Variants in SNX9 observed in about 807,000 individuals in gnomAD.
The protein encoded by SNX9 is sorting nexin 9, also known as sorting nexin-9.
SNX9 carries 44 observed loss-of-function variants against 89.4 expected under a neutral mutation model. The observed-to-expected ratio is 0.49, with a 90% CI of 0.39 to 0.63. The LOEUF (loss-of-function observed/expected upper bound fraction) is 0.63. Ranked by LOEUF, SNX9 falls within the 30% of genes least tolerant of loss-of-function variation. The pLI, the probability that SNX9 is intolerant of heterozygous loss-of-function variation, is 0.00. For synonymous variants in SNX9, 236 were observed against 247.8 expected (o/e 0.95, Z 0.45); for missense variants, 578 against 736.1 (o/e 0.79, Z 2.49).
At chr6:157,857,525 A>AT (rs1782035480) in intron 1 of SNX9, among the ~76,000 whole-genome samples, 2 of 151,982 alleles carry the variant, frequency 1.3e-5, no homozygotes, top group African/African-American at 4.8e-5. Flanking sequence ...GTAGGAATTC[A>AT]TTTTTTTCCT....
In SNX9 at chr6:157,928,616, C is replaced by A; in HGVS notation, c.1202C>A (p.Ala401Asp). The A allele has an allele frequency of 3.1e-6, 5 of 1,609,428 alleles. No homozygotes were observed. The highest frequency in any genetic ancestry group is 4.2e-6 in the Non-Finnish European group (5 of 1,178,084). Residue 401 changes from alanine (A) to aspartate (D), a missense_variant, in exon 12 of 18, where the codon GCT becomes GAT. This residue lies in a region of SNX9 where 348 missense variants were observed against 491.4 expected (regional missense o/e 0.71). Transcript: ENST00000392185. The part of the protein sequence containing the change: ...DLVEIEQKCE[A>D]VGKFTKAMDD... ...ACCCACAGAGAGCAGAAGTGCGAGG[C>A]TGTGGGGAAGTTCACCAAGGCCATG...
At chr6:157,875,560 C>T (rs1267693760) in intron 4 of SNX9, among the ~76,000 whole-genome samples, 1 of 152,066 alleles carries the variant, frequency 6.6e-6, no homozygotes, top group Non-Finnish European at 1.5e-5. Flanking sequence ...AAATAGATGC[C>T]CTGGCCCTGG....
chr6:157,902,529 G>A (rs958185779), intron 6 of SNX9, among the ~76,000 whole-genome samples: 10 of 152,094 alleles, frequency 6.6e-5, no homozygotes, highest in Non-Finnish European at 1.2e-4. Context: ...CCAGAGAGAC[G>A]CATCGAGTGT....
chr6:157,869,276 A>G (rs1782339447), intron 2 of SNX9, among the ~76,000 whole-genome samples: 1 of 151,604 alleles, frequency 6.6e-6, no homozygotes. Flanking sequence ...AGATTTTTGT[A>G]TTGCCGTCTC....
At chr6:157,906,269 A>G in intron 7 of SNX9, 57 bp downstream of exon 7, 1 of 1,350,148 alleles carries the variant, frequency 7.4e-7, no homozygotes, top group South Asian at 1.3e-5. Flanking sequence ...CTTATACCGT[A>G]CTTTAAAGCT....
chr6:157,924,274 A>G (rs1024915719), intron 10 of SNX9: 1 of 152,046 alleles, frequency 6.6e-6, no homozygotes, highest in African/African-American at 2.4e-5. Flanking sequence ...TCCCAGAGGT[A>G]AAATGGAGGA....
At chr6:157,907,996 C>G (rs1783254343) in intron 7 of SNX9, among the ~76,000 whole-genome samples, 1 of 152,132 alleles carries the variant, frequency 6.6e-6, no homozygotes, top group South Asian at 2.1e-4. Context: ...ATTTTAGTCT[C>G]TTTTTAAACT....
At chr6:157,928,385 A>G (rs915093797) in intron 11 of SNX9, among the ~76,000 whole-genome samples, 3 of 152,248 alleles carry the variant, frequency 2.0e-5, no homozygotes, top group Non-Finnish European at 4.4e-5. Flanking sequence ...AAAGAATTGT[A>G]TAGGCAGAAA....
intron 5 of SNX9, among the ~76,000 whole-genome samples, chr6:157,898,218 A>G (rs1783020388): frequency 6.6e-6 from 1 of 152,212 alleles, no homozygotes; most frequent in South Asian, 2.1e-4. Context: ...GCCCTTATTC[A>G]CTAGTAGCAA....
At chr6:157,909,535 T>G (rs772955104) in intron 7 of SNX9, 130 bp from the exon 8 acceptor site, 11 of 1,085,994 alleles carry the variant, frequency 1.0e-5, no homozygotes, top group Non-Finnish European at 1.3e-5. Context: ...TTATGTACCT[T>G]TCAAAGAGGA....
intron 9 of SNX9, among the ~76,000 whole-genome samples, chr6:157,915,644 T>A (rs200825144): frequency 0.3 from 27,066 of 91,258 alleles, 4,649 homozygotes; most frequent in Middle Eastern, 0.38. Flanking sequence ...AAAAAAAATA[T>A]ATATATATAT....
At chr6:157,904,508 A>G (rs1783170645) in intron 6 of SNX9, among the ~76,000 whole-genome samples, 1 of 152,122 alleles carries the variant, frequency 6.6e-6, no homozygotes, top group African/African-American at 2.4e-5. Flanking sequence ...TCTGTGGTCC[A>G]TAACAGTGCC....
At chr6:157,932,346 G>T in intron 13 of SNX9, 74 bp downstream of exon 13, 1 of 1,339,788 alleles carries the variant, frequency 7.5e-7, no homozygotes, top group South Asian at 1.2e-5. Flanking sequence ...GGATCCTGCA[G>T]ACGCTAACTC....
At chr6:157,837,480 A>G (rs1315537918) in intron 1 of SNX9, among the ~76,000 whole-genome samples, 1 of 152,246 alleles carries the variant, frequency 6.6e-6, no homozygotes, top group Non-Finnish European at 1.5e-5. Context: ...GTCAGATAAT[A>G]CATGCCTTTG....
chr6:157,908,977 T>C (rs971415363), intron 7 of SNX9, among the ~76,000 whole-genome samples: 1 of 152,248 alleles, frequency 6.6e-6, no homozygotes, highest in Non-Finnish European at 1.5e-5. Flanking sequence ...GCCAGCCCAC[T>C]GTGCTTAGGC....
intron 1 of SNX9, among the ~76,000 whole-genome samples, chr6:157,825,389 T>G (rs1255355260): frequency 1.3e-5 from 2 of 152,216 alleles, no homozygotes; most frequent in Non-Finnish European, 2.9e-5. Context: ...GGAATGCAGT[T>G]TAGCAACTAG....
At chr6:157,855,382 A>G (rs925339509) in intron 1 of SNX9, among the ~76,000 whole-genome samples, 1 of 152,174 alleles carries the variant, frequency 6.6e-6, no homozygotes, top group African/African-American at 2.4e-5. Context: ...AGTTTGCAAA[A>G]GTCTATTTCT....
At chr6:157,935,655 A>G (rs1056375829) in intron 13 of SNX9, among the ~76,000 whole-genome samples, 2 of 152,200 alleles carry the variant, frequency 1.3e-5, no homozygotes, top group African/African-American at 4.8e-5. Context: ...GCCGAATGAC[A>G]GTCTCGTCAT....
intron 1 of SNX9, among the ~76,000 whole-genome samples, chr6:157,834,502 C>G (rs1043697585): frequency 2.0e-5 from 3 of 147,602 alleles, no homozygotes; most frequent in African/African-American, 7.7e-5. Flanking sequence ...GTGTGCCACC[C>G]CCCCGGCCAA....
Sources: allele counts gnomAD v4.1 joint callset (sites outside exome capture counted in the v4.1 genomes callset), GRCh38; gene constraint gnomAD v4.1.1; regional missense constraint gnomAD v4.1.1; transcripts MANE v1.5; gene names NCBI Gene and HGNC (gene_info 2026-07-23, HGNC 2026-07-21).